SGCD: variants seen among roughly 807,000 people sequenced by gnomAD.
SGCD encodes the protein delta-sarcoglycan.
A neutral mutation model predicts 36.6 loss-of-function variants in SGCD; 18 were observed. The ratio of observed to expected loss-of-function variants is 0.49; its 90% CI spans 0.34 to 0.73. The LOEUF (loss-of-function observed/expected upper bound fraction) is 0.73, where lower values mean the gene tolerates loss of function less well. SGCD is among the 30% of genes least tolerant of loss of function. The pLI is 0.01. For synonymous variants in SGCD, 133 were observed against 130.6 expected, an observed-to-expected ratio of 1.02 and a Z score of -0.12; for missense variants, 387 against 346.7, an observed-to-expected ratio of 1.12 and a Z score of -0.92.
intron 1 of SGCD, among the ~76,000 whole-genome samples, chr5:156,021,090 A>G (rs1759086110): frequency 6.6e-6 from 1 of 152,162 alleles, no homozygotes; most frequent in Non-Finnish European, 1.5e-5. Context: ...CTGGGGAAAA[A>G]ATCAGTTTTA....
chr5:156,248,662 T>A (rs1056212271), intron 3 of SGCD, among the ~76,000 whole-genome samples: 18 of 152,184 alleles, frequency 1.2e-4, no homozygotes, highest in African/African-American at 3.9e-4. Flanking sequence ...AGGACTTTAT[T>A]CGAAGACGAT....
intron 6 of SGCD, among the ~76,000 whole-genome samples, chr5:156,643,674 A>G (rs1763124315): frequency 6.6e-6 from 1 of 152,254 alleles, no homozygotes. Flanking sequence ...GTTTCTCAGT[A>G]TTTGGGTGTT....
chr5:156,069,527 C>G (rs1360059868), intron 1 of SGCD, among the ~76,000 whole-genome samples: 1 of 152,066 alleles, frequency 6.6e-6, no homozygotes. Flanking sequence ...GTTACTGTAG[C>G]CTTGTAGAAT....
chr5:156,296,145 C>A (rs1186447711), intron 3 of SGCD, among the ~76,000 whole-genome samples: 1 of 152,126 alleles, frequency 6.6e-6, no homozygotes, highest in African/African-American at 2.4e-5. Flanking sequence ...CCCACTGTGA[C>A]TGAAAGGTGA....
At chr5:156,020,323 T>C (rs1008174390) in intron 1 of SGCD, among the ~76,000 whole-genome samples, 2 of 152,212 alleles carry the variant, frequency 1.3e-5, no homozygotes, top group African/African-American at 4.8e-5. Flanking sequence ...TCCTTCCTTC[T>C]TTCTCTGTAA....
At chr5:156,406,792 A>T (rs1328392927) in intron 3 of SGCD, among the ~76,000 whole-genome samples, 1 of 66,494 alleles carries the variant, frequency 1.5e-5, no homozygotes, top group African/African-American at 8.6e-5. Flanking sequence ...AGGAGATTTT[A>T]TATATATATA....
chr5:155,825,937 TGG>T, the SGCD span, among the ~76,000 whole-genome samples: 65 of 152,018 alleles, frequency 4.3e-4, no homozygotes, highest in African/African-American at 1.4e-3. Context: ...TTAGTAGAGA[TGG>T]GGGTTTCACC....
In SGCD at chr5:156,157,692, G is replaced by A. The variant is rs575261113; in HGVS notation, c.-44+33673G>A. Among the ~76,000 whole-genome samples the A allele has an allele frequency of 6.0e-4, 91 of 151,768 alleles. 4 individuals are homozygous for A. Among genetic ancestry groups the A allele is most frequent in the Middle Eastern group, 3.4e-3 (1 of 294 alleles). ...CTCATTGTTGGGGAAAAGAATTATC[G>A]TGTAGCTCTGTTCATGAACACACAC... is the stretch of plus-strand genomic sequence containing the variant. On this transcript the variant is annotated intron_variant, in intron 3 of 9. Transcript: ENST00000517913.
intron 4 of SGCD, among the ~76,000 whole-genome samples, chr5:156,557,647 T>G (rs1484446432): frequency 2.0e-5 from 3 of 152,192 alleles, no homozygotes; most frequent in Non-Finnish European, 4.4e-5. Context: ...AGATTTACTT[T>G]CACTAAATCT....
At chr5:156,185,372 G>A (rs1370309980) in intron 3 of SGCD, among the ~76,000 whole-genome samples, 7 of 148,998 alleles carry the variant, frequency 4.7e-5, no homozygotes, top group Non-Finnish European at 3.0e-5. Context: ...CCGCCACCAT[G>A]CCCGGCAAAT....
At chr5:156,124,052 C>A (rs985391325) in intron 3 of SGCD, 2 of 152,176 alleles carry the variant, frequency 1.3e-5, no homozygotes, top group African/African-American at 2.4e-5. Flanking sequence ...TTTTCTAAGA[C>A]AAATGTGAAC....
Position 156,458,413 on chromosome 5 carries a change from T to C in SGCD, c.193-50188T>C, listed in dbSNP as rs1271032375. On this transcript the variant is annotated intron_variant, in intron 3 of 8. Transcript: ENST00000337851. ...GAAAACTTACTGTTGATGTGATCGA[T>C]GTAGTAGACACCAATCTGAGGGTCA... is the stretch of plus-strand genomic sequence containing the variant. The C allele has an allele frequency of 2.5e-6, 4 of 1,602,018 alleles. No individual in the cohort carries two copies. In the East Asian group the frequency reaches 6.7e-5, roughly 27 times the overall value.
At chr5:155,913,559 A>T (rs891698035) in intron 1 of SGCD, among the ~76,000 whole-genome samples, 37 of 152,274 alleles carry the variant, frequency 2.4e-4, no homozygotes, top group Admixed American at 6.5e-4. Context: ...GAATATATTC[A>T]ATTAAAAACG....
At chr5:156,147,457 C>T (rs979952890) in intron 3 of SGCD, among the ~76,000 whole-genome samples, 2 of 152,180 alleles carry the variant, frequency 1.3e-5, no homozygotes, top group Non-Finnish European at 2.9e-5. Flanking sequence ...TGGCTGTTTG[C>T]ATTTCCATGT....
At chr5:156,061,089 A>G (rs1760193946) in intron 1 of SGCD, among the ~76,000 whole-genome samples, 1 of 146,096 alleles carries the variant, frequency 6.8e-6, no homozygotes, top group African/African-American at 2.5e-5. Context: ...TCAAGACTTT[A>G]TCCTTACCTG....
At chr5:156,334,609 C>CTTTTTTTTTT (rs35767339) in intron 2 of SGCD, among the ~76,000 whole-genome samples, 38 of 105,050 alleles carry the variant, frequency 3.6e-4, no homozygotes, top group African/African-American at 8.0e-4. Context: ...GGTCTATTTT[C>CTTTTTTTTTT]TTTTTTTTTT....
intron 3 of SGCD, among the ~76,000 whole-genome samples, chr5:156,247,969 G>C (rs1009068653): frequency 6.6e-6 from 1 of 152,226 alleles, no homozygotes; most frequent in Non-Finnish European, 1.5e-5. Flanking sequence ...AAGGAACAGA[G>C]TATGGTTCTC....
chr5:156,536,646 A>G (rs1758126714), intron 4 of SGCD, among the ~76,000 whole-genome samples: 1 of 151,992 alleles, frequency 6.6e-6, no homozygotes, highest in African/African-American at 2.4e-5. Flanking sequence ...TCTGGAGGGA[A>G]TCTTTTCTTC....
chr5:156,134,031 G>T (rs1209313681), intron 3 of SGCD, among the ~76,000 whole-genome samples: 1 of 148,972 alleles, frequency 6.7e-6, no homozygotes, highest in East Asian at 2.0e-4. Flanking sequence ...TAAATATATT[G>T]TTTTCATAAC....
Sources: gnomAD v4.1 joint callset for allele counts (sites outside exome capture counted in the v4.1 genomes callset) on GRCh38, gnomAD v4.1.1 for gene constraint, MANE v1.5 for transcripts, NCBI Gene and HGNC (gene_info 2026-07-23, HGNC 2026-07-21) for gene names.